The following COA1 variants were observed in gnomAD, a reference collection of about 807,000 sequenced individuals.
COA1 encodes the protein cytochrome c oxidase assembly factor 1.
Under a neutral mutation model 16.0 loss-of-function variants are expected in COA1, and 13 were observed. That is an observed-to-expected ratio of 0.81 (90% confidence interval 0.53 to 1.29). The LOEUF (loss-of-function observed/expected upper bound fraction) is 1.29, where lower values mean the gene tolerates loss of function less well. Among genes scored for constraint, COA1 ranks in the 50% most tolerant of loss-of-function variants. The probability of loss-of-function intolerance (pLI) is 0.00; values close to 1 mark genes in which losing one functional copy is unlikely to be tolerated. For missense variants in COA1, 179 were observed against 177.0 expected, an observed-to-expected ratio of 1.01 and a Z score of -0.06; for synonymous variants, 65 against 65.7, an observed-to-expected ratio of 0.99 and a Z score of 0.05.
chr7:43,658,168 AGATCGAGACCATCCT>A (rs1434520848), intron 1 of COA1, among the ~76,000 whole-genome samples: 1 of 152,122 alleles, frequency 6.6e-6, no homozygotes, highest in African/African-American at 2.4e-5. Flanking sequence ...CGGGGTCAGG[AGATCGAGACCATCCT>A]GGCTAACACA....
intron 1 of COA1, among the ~76,000 whole-genome samples, chr7:43,680,712 T>C (rs549489017): frequency 2.0e-5 from 3 of 152,334 alleles, no homozygotes; most frequent in African/African-American, 7.2e-5. Context: ...CTCACACCTG[T>C]AATCCCAGCA....
At chr7:43,706,059 A>G (rs1021981850) in intron 1 of COA1, among the ~76,000 whole-genome samples, 4 of 152,156 alleles carry the variant, frequency 2.6e-5, no homozygotes, top group Non-Finnish European at 5.9e-5. Flanking sequence ...GGCTCTTCCT[A>G]GCTGCCTCTA....
At chr7:43,710,530 A>G (rs1198251504) in intron 1 of COA1, among the ~76,000 whole-genome samples, 1 of 151,734 alleles carries the variant, frequency 6.6e-6, no homozygotes, top group Admixed American at 6.6e-5. Context: ...TGGTAGGTGA[A>G]GAATAGAAAA....
intron 6 of COA1, among the ~76,000 whole-genome samples, chr7:43,616,867 A>G (rs2083401100): frequency 1.3e-5 from 2 of 152,334 alleles, no homozygotes; most frequent in Admixed American, 6.5e-5. Flanking sequence ...ACTGCACTCC[A>G]GCCTGGGCAA....
intron 1 of COA1, among the ~76,000 whole-genome samples, chr7:43,719,899 AAAG>A (rs2095472191): frequency 6.6e-6 from 1 of 152,336 alleles, no homozygotes; most frequent in African/African-American, 2.4e-5. Flanking sequence ...ACTATAACAG[AAAG>A]AAGAGAGGCC....
chr7:43,677,564 C>T (rs1365954512), intron 1 of COA1, among the ~76,000 whole-genome samples: 1 of 151,958 alleles, frequency 6.6e-6, no homozygotes, highest in African/African-American at 2.4e-5. Context: ...TTTGGGAGGC[C>T]AAGAAGGGTG....
chr7:43,626,379 C>T (rs2153030305), intron 6 of COA1: 1 of 152,344 alleles, frequency 6.6e-6, no homozygotes, highest in South Asian at 2.1e-4. Context: ...CCTGTCAAAG[C>T]ACCTGGGAGT....
chr7:43,664,105 G>GAGAGAGAGAGAGAGAGAC (rs1554520135), intron 1 of COA1, among the ~76,000 whole-genome samples: 1 of 107,860 alleles, frequency 9.3e-6, no homozygotes, highest in Admixed American at 8.9e-5. Context: ...TCTTTAGAAA[G>GAGAGAGAGAGAGAGAGAC]AGAGAGAGAG....
At chr7:43,689,416 C>T (rs1260605617) in intron 1 of COA1, among the ~76,000 whole-genome samples, 1 of 152,098 alleles carries the variant, frequency 6.6e-6, no homozygotes, top group Non-Finnish European at 1.5e-5. Flanking sequence ...AGGGGTCTCA[C>T]AGGGCAGGAA....
chr7:43,714,864 T>A (rs1296450069), intron 1 of COA1, among the ~76,000 whole-genome samples: 1 of 151,252 alleles, frequency 6.6e-6, no homozygotes. Context: ...AAAATTTAGC[T>A]GGACATGGTG....
At chr7:43,698,961 A>T (rs543549280) in intron 1 of COA1, among the ~76,000 whole-genome samples, 18 of 152,280 alleles carry the variant, frequency 1.2e-4, no homozygotes, top group Admixed American at 5.2e-4. Flanking sequence ...CCACCATCTT[A>T]TATTAGCATA....
chr7:43,669,032 T>C (rs2093073173), intron 1 of COA1, among the ~76,000 whole-genome samples: 2 of 152,166 alleles, frequency 1.3e-5, no homozygotes, highest in Admixed American at 1.3e-4. Flanking sequence ...AAACTCCAAA[T>C]AGTGCTGCAA....
intron 1 of COA1, among the ~76,000 whole-genome samples, chr7:43,723,300 T>C (rs558170085): frequency 1.2e-4 from 19 of 152,310 alleles, no homozygotes; most frequent in African/African-American, 3.8e-4. Context: ...TTCAAATGGA[T>C]TGCAGTACCC....
intron 4 of COA1, among the ~76,000 whole-genome samples, chr7:43,644,917 G>C (rs1233001519): frequency 1.3e-5 from 2 of 151,722 alleles, no homozygotes; most frequent in Non-Finnish European, 2.9e-5. Context: ...AAAGTGCTGA[G>C]AGCTATCAAA....
chr7:43,727,010 C>T (rs1472522970), intron 1 of COA1, among the ~76,000 whole-genome samples: 2 of 152,098 alleles, frequency 1.3e-5, no homozygotes, highest in African/African-American at 4.8e-5. Flanking sequence ...TTTTAATGGT[C>T]GCAACACAAA....
At chr7:43,628,427 A>G (rs1319826894) in intron 6 of COA1, among the ~76,000 whole-genome samples, 2 of 152,080 alleles carry the variant, frequency 1.3e-5, no homozygotes, top group Non-Finnish European at 2.9e-5. Flanking sequence ...TTGTACAGGG[A>G]TTTTTGTGGA....
intron 6 of COA1, chr7:43,623,515 G>A: frequency 6.7e-7 from 1 of 1,493,360 alleles, no homozygotes; most frequent in East Asian, 2.3e-5. Flanking sequence ...ATCTCTTAGA[G>A]CAAATTAGGA....
chr7:43,665,861 C>A (rs1439708495), intron 1 of COA1: 1 of 152,130 alleles, frequency 6.6e-6, no homozygotes, highest in African/African-American at 2.4e-5. Context: ...TCACCTCCCT[C>A]CCTCCACACG....
intron 1 of COA1, among the ~76,000 whole-genome samples, chr7:43,681,992 T>C (rs1015477514): frequency 4.6e-5 from 7 of 152,172 alleles, no homozygotes; most frequent in Admixed American, 3.3e-4. Context: ...AATAGATGTA[T>C]AAAAAATAGT....
Sources: gnomAD v4.1 joint callset for allele counts (sites outside exome capture counted in the v4.1 genomes callset) on GRCh38, gnomAD v4.1.1 for gene constraint, MANE v1.5 for transcripts, NCBI Gene and HGNC (gene_info 2026-07-23, HGNC 2026-07-21) for gene names.